The following SEC24D variants were observed in gnomAD, a reference collection of about 807,000 sequenced individuals.
SEC24D encodes the protein SEC24 homolog D, COPII component.
A neutral mutation model predicts 116.9 loss-of-function variants in SEC24D; 69 were observed. The observed-to-expected ratio is 0.59, with a 90% CI of 0.49 to 0.72. The LOEUF is 0.72. SEC24D is among the 30% of genes least tolerant of loss of function. SEC24D has a pLI of 0.00. For synonymous variants in SEC24D, 405 were observed against 442.8 expected (o/e 0.91, Z 1.07); for missense variants, 1,131 against 1,264.1 (o/e 0.89, Z 1.60).
intron 6 of SEC24D, among the ~76,000 whole-genome samples, chr4:118,806,533 A>G (rs191633074): frequency 3.3e-5 from 5 of 151,198 alleles, no homozygotes; most frequent in Middle Eastern, 3.4e-3. Flanking sequence ...TCCTCTCCCT[A>G]TGTTGCCCAG....
At chr4:118,775,084 G>T (rs1349873498) in intron 8 of SEC24D, among the ~76,000 whole-genome samples, 2 of 152,134 alleles carry the variant, frequency 1.3e-5, no homozygotes, top group Non-Finnish European at 2.9e-5. Flanking sequence ...CAGGCCACTT[G>T]CAGGAGACAT....
chr4:118,790,695 C>T (rs1728858116), intron 8 of SEC24D, among the ~76,000 whole-genome samples: 1 of 151,712 alleles, frequency 6.6e-6, no homozygotes, highest in Non-Finnish European at 1.5e-5. Flanking sequence ...AAGGAACATC[C>T]TCTCGTCCAA....
At chr4:118,770,998 G>A (rs1727874927) in intron 8 of SEC24D, among the ~76,000 whole-genome samples, 2 of 152,034 alleles carry the variant, frequency 1.3e-5, no homozygotes, top group South Asian at 4.1e-4. Flanking sequence ...CAGGCAACAG[G>A]GCAAGGGCTT....
chr4:118,764,505 G>A (rs549174559), intron 10 of SEC24D: 17 of 212,358 alleles, frequency 8.0e-5, no homozygotes, highest in Non-Finnish European at 1.5e-4. Context: ...GGCACTGTAC[G>A]GAACTACTGC....
At chr4:118,736,951 A>G (rs1725994681) in intron 19 of SEC24D, among the ~76,000 whole-genome samples, 1 of 152,212 alleles carries the variant, frequency 6.6e-6, no homozygotes, top group Non-Finnish European at 1.5e-5. Context: ...AATAGGCAAT[A>G]AGTTTGTTTT....
chr4:118,737,488 G>A (rs749775718), intron 19 of SEC24D, among the ~76,000 whole-genome samples: 15 of 152,118 alleles, frequency 9.9e-5, no homozygotes, highest in Non-Finnish European at 2.1e-4. Context: ...TTTACTTTTA[G>A]GTGGGGCTTC....
chr4:118,814,830 G>A (rs1730068209), intron 6 of SEC24D, among the ~76,000 whole-genome samples, 198 bp downstream of exon 6: 1 of 152,084 alleles, frequency 6.6e-6, no homozygotes, highest in South Asian at 2.1e-4. Context: ...CTCTTTCATG[G>A]AGACCTTTAG....
In SEC24D at chr4:118,815,111, C is replaced by G. The variant is rs368554945; in HGVS notation, c.718G>C (p.Gly240Arg). ...TGTGCAGGACCTCCAGGGAAGCCTCCTGGGTAAGACAGTTGTGCGCCTGCC... is the reference window on the plus strand; with the variant it reads ...TGTGCAGGACCTCCAGGGAAGCCTCGTGGGTAAGACAGTTGTGCGCCTGCC... ...QMAGAQLSYP[G>R]GFPGGPAQMA... The change falls in exon 6 of 23, where the codon GGA (glycine) becomes CGA (arginine). Residue 240 changes from glycine (G) to arginine (R), a missense_variant. Physicochemically the swap from Gly to Arg is moderately radical, Grantham distance 125. Transcript: ENST00000280551. 5 of 1,614,048 alleles carry G rather than the reference C, an allele frequency of 3.1e-6. No homozygotes were observed. The highest frequency in any genetic ancestry group is 4.2e-6 in the Non-Finnish European group (5 of 1,180,036).
chr4:118,758,188 T>G (rs1727204414), intron 10 of SEC24D, among the ~76,000 whole-genome samples: 1 of 152,178 alleles, frequency 6.6e-6, no homozygotes, highest in South Asian at 2.1e-4. Context: ...TGTAACACTC[T>G]GCCTTACAGG....
chr4:118,805,929 G>T lies in SEC24D; in HGVS notation c.827C>A (p.Ala276Asp). The change falls in exon 7 of 23, where the codon GCC (alanine) becomes GAC (aspartate). Residue 276 changes from alanine to aspartate, a missense_variant. Coordinates refer to ENST00000280551, the MANE Select transcript of SEC24D (RefSeq NM_014822.4). Reference protein sequence around the residue: ...SPIQVIENDRASRGGQVYATN... With the variant: ...SPIQVIENDRDSRGGQVYATN... ...GGCATAAACTTGTCCTCCTCTGCTG[G>T]CTCTATCATTCTCAATCACCTGGAT... The T allele has an allele frequency of 6.3e-7, 1 of 1,595,668 alleles. No homozygotes were observed. Among genetic ancestry groups the T allele is most frequent in the Non-Finnish European group, 8.5e-7 (1 of 1,171,962 alleles).
At position 118,815,393 on chromosome 4, in the gene SEC24D, T is replaced by C. The variant is rs535745096; in HGVS notation, c.673+58A>G. The stretch of plus-strand genomic sequence containing the variant: ...AGTAACATAGGAACAAAGCTGATTT[T>C]CAGTTAAGGGTTCCCCTGGGTAACA... On this transcript the variant is annotated intron_variant, in intron 5 of 22. Coordinates refer to ENST00000280551, the MANE Select transcript of SEC24D (RefSeq NM_014822.4). 3.8e-6 allele frequency: 6 copies of C among 1,577,088 alleles called. No homozygotes were observed. In the African/African-American group the frequency reaches 8.1e-5, roughly 21 times the overall value.
chr4:118,835,995 GTGCCGGCAGC>G lies in SEC24D; in HGVS notation c.-106_-97del, dbSNP rs1731081509. The G allele has an allele frequency of 1.3e-5, 2 of 152,256 alleles. No individual in the cohort carries two copies. The highest frequency in any genetic ancestry group is 6.5e-5 in the Admixed American group (1 of 15,280). The allele number at this position is 152,256 out of a possible 1,614,324, so 9.4% of individuals were successfully genotyped here. A position where few individuals can be genotyped will look rare whatever the true frequency, so the allele number is the denominator to read the frequency against. ...CCGAGCGCTGGCGGCTCTGCGCCTA[GTGCCGGCAGC>G]CCTCGGTGGCCGGGCTCCCGCTGCG... On this transcript the variant is annotated 5_prime_UTR_variant, in exon 1 of 23. Transcript: ENST00000280551.
intron 20 of SEC24D, 53 bp from the exon 21 acceptor site, chr4:118,731,560 CCTCCTTCCTCTTTT>C (rs1456274560): frequency 6.1e-6 from 9 of 1,487,348 alleles, no homozygotes; most frequent in Admixed American, 1.7e-5. Flanking sequence ...CCTTCCCTTC[CCTCCTTCCTCTTTT>C]CCTTTCCTTT....
In SEC24D at chr4:118,791,465, G is replaced by A. The variant is rs138298889; in HGVS notation, c.1041+6218C>T. On this transcript the variant is annotated intron_variant, in intron 8 of 22. Transcript: ENST00000280551. The stretch of plus-strand genomic sequence containing the variant: ...CTTATATCTAAAATGGGGATAAGTA[G>A]GTTAATGTGATAATTAAGTAAATAA... 2.1e-3 allele frequency among the ~76,000 whole-genome samples: 316 copies of A among 152,146 alleles called. 1 individual carries two copies. The highest frequency in any genetic ancestry group is 7.2e-3 in the African/African-American group (300 of 41,512).
intron 3 of SEC24D, among the ~76,000 whole-genome samples, chr4:118,822,062 C>T (rs901637916): frequency 6.6e-6 from 1 of 151,962 alleles, no homozygotes; most frequent in East Asian, 1.9e-4. Context: ...AGATTGAGCT[C>T]GAAGGACAGA....
In SEC24D at chr4:118,790,517, T is replaced by C. The variant is rs115396811; in HGVS notation, c.1041+7166A>G. Among the ~76,000 whole-genome samples the C allele has an allele frequency of 4.9e-3, 739 of 152,264 alleles. 9 individuals are homozygous for C. Among genetic ancestry groups the C allele is most frequent in the African/African-American group, 0.017 (716 of 41,554 alleles). ...ACAAAAGGGTTTACAGCATAACCAATTACTTTTGCTACATATATACCTCAG... is the reference window on the plus strand; with the variant it reads ...ACAAAAGGGTTTACAGCATAACCAACTACTTTTGCTACATATATACCTCAG... On this transcript the variant is annotated intron_variant, in intron 8 of 22. Transcript: ENST00000280551.
chr4:118,826,280 T>C (rs1010390864), intron 2 of SEC24D, among the ~76,000 whole-genome samples: 5 of 152,192 alleles, frequency 3.3e-5, no homozygotes, highest in African/African-American at 9.7e-5. Context: ...GTGACTCCGA[T>C]AAGATACTCT....
At position 118,794,785 on chromosome 4, in the gene SEC24D, T is replaced by C. The variant is rs529345963; in HGVS notation, c.1041+2898A>G. Among the ~76,000 whole-genome samples, 9 of 152,326 alleles carry C rather than the reference T, an allele frequency of 5.9e-5. No individual in the cohort carries two copies. In the South Asian group the frequency reaches 1.7e-3, roughly 28 times the overall value. On this transcript the variant is annotated intron_variant, in intron 8 of 22. Transcript: ENST00000280551. ...ATTTTTGACAGTATGCATCTCAAAA[T>C]TGATTTTGTATGTACAGTTATAATA...
At position 118,723,248 on chromosome 4, in the gene SEC24D, T is replaced by C; in HGVS notation, c.*267A>G. 1 of 302,952 alleles carries C rather than the reference T, an allele frequency of 3.3e-6. No individual in the cohort carries two copies. The highest frequency in any genetic ancestry group is 2.2e-5 in the African/African-American group (1 of 46,188). The allele number at this position is 302,952 out of a possible 1,614,324, so 18.8% of individuals were successfully genotyped here. ...AGAATGTTTATGGTTCTGTAAACTT[T>C]GCCTTTTATGAAATGCAAACCACAT... On this transcript the variant is annotated 3_prime_UTR_variant, in exon 23 of 23. Coordinates refer to ENST00000280551, the MANE Select transcript of SEC24D (RefSeq NM_014822.4).
Sources: gnomAD v4.1 joint callset for allele counts (sites outside exome capture counted in the v4.1 genomes callset) on GRCh38, gnomAD v4.1.1 for gene constraint, MANE v1.5 for transcripts, NCBI Gene and HGNC (gene_info 2026-07-23, HGNC 2026-07-21) for gene names.